Variants in SYNPR observed in about 807,000 individuals in gnomAD.
The protein encoded by SYNPR is synaptoporin.
In SYNPR, 23 loss-of-function variants were observed where a neutral mutation model predicts 32.9. The ratio of observed to expected loss-of-function variants is 0.70; its 90% CI spans 0.50 to 0.99. The LOEUF (loss-of-function observed/expected upper bound fraction) is 0.99, where lower values mean the gene tolerates loss of function less well. Ranked by LOEUF, SYNPR falls within the 50% of genes least tolerant of loss-of-function variation. The pLI is 0.00. For missense variants in SYNPR, 318 were observed against 349.3 expected (o/e 0.91, Z 0.71); for synonymous variants, 146 against 135.9 (o/e 1.07, Z -0.52).
In SYNPR at chr3:63,535,610, G is replaced by A. The variant is rs183548319; in HGVS notation, c.210-20933G>A. On this transcript the variant is annotated intron_variant, in intron 3 of 5. Transcript: ENST00000478300. ...ATAGACCAATGGAGAAGAACTGGTA[G>A]TCCATAAATAAAACTTTACACTTAT... is the stretch of plus-strand genomic sequence containing the variant. Among the ~76,000 whole-genome samples, 11 of 152,132 alleles carry A rather than the reference G, an allele frequency of 7.2e-5. No individual in the cohort carries two copies. In the East Asian group the frequency reaches 2.1e-3, roughly 29 times the overall value.
chr3:63,529,591 T>C (rs775321338), intron 3 of SYNPR, among the ~76,000 whole-genome samples: 26 of 152,224 alleles, frequency 1.7e-4, no homozygotes, highest in Non-Finnish European at 3.2e-4. Context: ...GATATGCAAA[T>C]TCCAACTGGA....
chr3:63,605,193 G>A (rs1700099991), intron 4 of SYNPR, among the ~76,000 whole-genome samples: 1 of 152,170 alleles, frequency 6.6e-6, no homozygotes, highest in Non-Finnish European at 1.5e-5. Flanking sequence ...AGAGAGAAAG[G>A]TGTACATTTT....
intron 2 of SYNPR, among the ~76,000 whole-genome samples, chr3:63,375,603 G>A (rs566290429): frequency 6.6e-6 from 1 of 152,026 alleles, no homozygotes; most frequent in Non-Finnish European, 1.5e-5. Context: ...ATAGCATTAG[G>A]AGAAATACCT....
chr3:63,333,336 TAA>T (rs545756228), intron 2 of SYNPR, among the ~76,000 whole-genome samples: 8 of 136,600 alleles, frequency 5.9e-5, no homozygotes, highest in African/African-American at 5.4e-5. Context: ...ACTTTGAATC[TAA>T]AAAAAAAAAA....
At chr3:63,278,636 C>T (rs1456713640) in intron 1 of SYNPR, 41 bp from the exon 2 acceptor site, 2 of 1,551,090 alleles carry the variant, frequency 1.3e-6, no homozygotes, top group South Asian at 1.2e-5. Context: ...CAGCCCCTTC[C>T]TCACGCTTTG....
At chr3:63,466,515 G>A (rs1007541852) in intron 2 of SYNPR, among the ~76,000 whole-genome samples, 1 of 151,806 alleles carries the variant, frequency 6.6e-6, no homozygotes, top group Non-Finnish European at 1.5e-5. Context: ...TCCTTTAGTG[G>A]TATGTAACAT....
chr3:63,203,068 G>GTGTGTGTATATATA, the SYNPR span: 1 of 108,586 alleles, frequency 9.2e-6, no homozygotes, highest in African/African-American at 4.6e-5. Flanking sequence ...ATATGTATGT[G>GTGTGTGTATATATA]TATATATATA....
At chr3:63,313,363 G>A (rs1009372684) in intron 2 of SYNPR, among the ~76,000 whole-genome samples, 10 of 151,158 alleles carry the variant, frequency 6.6e-5, no homozygotes, top group Admixed American at 1.3e-4. Flanking sequence ...CCCTCACCCC[G>A]CTCCCACTCT....
intron 3 of SYNPR, among the ~76,000 whole-genome samples, chr3:63,555,073 A>G (rs1702572248): frequency 2.0e-5 from 3 of 152,008 alleles, no homozygotes; most frequent in Non-Finnish European, 4.4e-5. Flanking sequence ...TATATCAAAA[A>G]CTTACTAAAA....
intron 2 of SYNPR, among the ~76,000 whole-genome samples, chr3:63,467,692 C>A (rs767882759): frequency 6.6e-6 from 1 of 152,196 alleles, no homozygotes; most frequent in Non-Finnish European, 1.5e-5. Flanking sequence ...TACCACATAA[C>A]AATATGCTTA....
chr3:63,309,060 T>C (rs896664923), intron 2 of SYNPR, among the ~76,000 whole-genome samples: 20 of 152,152 alleles, frequency 1.3e-4, no homozygotes, highest in African/African-American at 4.8e-4. Context: ...CTGTGTTTCA[T>C]TTTGGATAGT....
At chr3:63,594,087 A>G (rs1392516854) in intron 4 of SYNPR, among the ~76,000 whole-genome samples, 3 of 152,192 alleles carry the variant, frequency 2.0e-5, no homozygotes, top group African/African-American at 7.2e-5. Flanking sequence ...TTCCTTCTTC[A>G]TTTGTAAAAT....
intron 3 of SYNPR, among the ~76,000 whole-genome samples, chr3:63,515,329 T>G (rs1398203303): frequency 2.0e-5 from 3 of 152,078 alleles, no homozygotes; most frequent in African/African-American, 4.8e-5. Flanking sequence ...AGATTAAATC[T>G]CCCACTCTTG....
At chr3:63,430,490 G>C (rs1158913919) in intron 2 of SYNPR, among the ~76,000 whole-genome samples, 1 of 152,092 alleles carries the variant, frequency 6.6e-6, no homozygotes, top group Admixed American at 6.6e-5. Flanking sequence ...AACTGAAACA[G>C]ATCAGCCAGT....
chr3:63,405,364 T>G (rs1257245197), intron 2 of SYNPR, among the ~76,000 whole-genome samples: 2 of 152,122 alleles, frequency 1.3e-5, no homozygotes, highest in African/African-American at 2.4e-5. Flanking sequence ...TTCTACAAAC[T>G]GACAGGAAGC....
At chr3:63,492,009 C>G (rs923402531) in intron 3 of SYNPR, among the ~76,000 whole-genome samples, 5 of 152,092 alleles carry the variant, frequency 3.3e-5, no homozygotes, top group Admixed American at 2.6e-4. Flanking sequence ...TGGAACCTGT[C>G]TATCAGAAGC....
At chr3:63,437,758 A>G (rs1575643787) in intron 2 of SYNPR, among the ~76,000 whole-genome samples, 1 of 152,314 alleles carries the variant, frequency 6.6e-6, no homozygotes, top group East Asian at 1.9e-4. Context: ...CGCTAGAGGA[A>G]TGTAGCCAAC....
chr3:63,393,501 T>C (rs1180581890), intron 2 of SYNPR, among the ~76,000 whole-genome samples: 1 of 135,530 alleles, frequency 7.4e-6, no homozygotes, highest in African/African-American at 2.9e-5. Context: ...CTTCTCTTTT[T>C]TTTTTTTTTT....
chr3:63,421,535 A>G (rs1699798571), intron 2 of SYNPR, among the ~76,000 whole-genome samples: 1 of 152,070 alleles, frequency 6.6e-6, no homozygotes, highest in Non-Finnish European at 1.5e-5. Flanking sequence ...AATCTAAAAA[A>G]TGAAAATTAA....
Sources: allele counts gnomAD v4.1 joint callset (sites outside exome capture counted in the v4.1 genomes callset), GRCh38; gene constraint gnomAD v4.1.1; transcripts MANE v1.5; gene names NCBI Gene and HGNC (gene_info 2026-07-23, HGNC 2026-07-21).